Variants in MAEA observed in about 807,000 individuals in gnomAD.
MAEA encodes the protein macrophage erythroblast attacher, E3 ubiquitin ligase, also known as E3 ubiquitin-protein transferase MAEA.
A neutral mutation model predicts 46.2 loss-of-function variants in MAEA; 22 were observed. That is an observed-to-expected ratio of 0.48 (90% CI 0.34 to 0.68). The LOEUF (loss-of-function observed/expected upper bound fraction) is 0.68, where lower values mean the gene tolerates loss of function less well. Among genes scored for constraint, MAEA ranks in the 30% least tolerant of loss-of-function variants. The pLI is 0.01. For synonymous variants in MAEA, 246 were observed against 222.6 expected, an observed-to-expected ratio of 1.11 and a Z score of -0.94; for missense variants, 393 against 558.1, an observed-to-expected ratio of 0.70 and a Z score of 2.98.
intron 1 of MAEA, among the ~76,000 whole-genome samples, chr4:1,302,510 C>T (rs986751886): frequency 2.0e-5 from 3 of 152,246 alleles, no homozygotes; most frequent in African/African-American, 7.2e-5. Flanking sequence ...GATTCTCACT[C>T]TGTCACCAGG....
At chr4:1,338,898 G>A (rs573299898) in intron 8 of MAEA, 176 bp from the exon 9 acceptor site, 38 of 672,020 alleles carry the variant, frequency 5.7e-5, no homozygotes, top group Admixed American at 4.4e-4. Flanking sequence ...TGGATGAAGG[G>A]GTGGGAAGGA....
rs968063971 is a variant in MAEA, at chr4:1,329,038, C to T, written c.656+1335C>T. ...GCCTGTGTCGCTGGCCTCTGTCCGG[C>T]GGCAGTCTGCTTCCATCCCGAGTCA... On this transcript the variant is annotated intron_variant, in intron 5 of 8. Transcript: ENST00000303400. The T allele has an allele frequency of 3.8e-5, 37 of 985,706 alleles. 1 individual carries two copies. The highest frequency in any genetic ancestry group is 5.2e-4 in the Middle Eastern group (1 of 1,938). 61.1% of individuals were successfully genotyped at this position (985,706 alleles called of 1,614,324 possible). A position where few individuals can be genotyped will look rare whatever the true frequency, so the allele number is the denominator to read the frequency against.
At chr4:1,312,981 G>A (rs1284011387) in intron 2 of MAEA, among the ~76,000 whole-genome samples, 2 of 152,214 alleles carry the variant, frequency 1.3e-5, no homozygotes, top group Admixed American at 1.3e-4. Flanking sequence ...TGGAGTGTTG[G>A]CCAGGCCAGA....
intron 1 of MAEA, among the ~76,000 whole-genome samples, chr4:1,306,174 A>G (rs773098851): frequency 1.3e-5 from 2 of 152,164 alleles, no homozygotes; most frequent in African/African-American, 2.4e-5. Flanking sequence ...TACTTGGCCA[A>G]ATGTTTGTTG....
chr4:1,339,888 G>A lies in MAEA; in HGVS notation c.*719G>A, dbSNP rs988496916. 6.5e-6 allele frequency: 1 copy of A among 152,754 alleles called. No individual in the cohort carries two copies. Among genetic ancestry groups the A allele is most frequent in the Admixed American group, 6.5e-5 (1 of 15,292 alleles). 9.5% of individuals were successfully genotyped at this position (152,754 alleles called of 1,614,324 possible). A position where few individuals can be genotyped will look rare whatever the true frequency, so the allele number is the denominator to read the frequency against. The stretch of plus-strand genomic sequence containing the variant: ...GAGAATGTATAACGTGGAAATCCAC[G>A]GGACCAAATTTCTGCAGAGGCCTTG... On this transcript the variant is annotated 3_prime_UTR_variant, in exon 9 of 9. Coordinates refer to ENST00000303400, the MANE Select transcript of MAEA (RefSeq NM_001017405.3).
At chr4:1,297,455 GTGCGTA>G (rs1455090660) in intron 1 of MAEA, among the ~76,000 whole-genome samples, 1 of 89,442 alleles carries the variant, frequency 1.1e-5, no homozygotes, top group Non-Finnish European at 2.0e-5. Flanking sequence ...GAAAAAGTAC[GTGCGTA>G]TGTGTGTGTG....
intron 2 of MAEA, among the ~76,000 whole-genome samples, chr4:1,313,084 A>T (rs1359993989): frequency 6.6e-6 from 1 of 152,198 alleles, no homozygotes; most frequent in African/African-American, 2.4e-5. Flanking sequence ...CGTGGGGTGT[A>T]CCAGAAGTGG....
chr4:1,316,222 C>T (rs900144834), intron 3 of MAEA, among the ~76,000 whole-genome samples: 19 of 152,188 alleles, frequency 1.2e-4, no homozygotes, highest in African/African-American at 4.3e-4. Flanking sequence ...GCACCCTTGC[C>T]CTCTGTGGCT....
At position 1,338,408 on chromosome 4, in the gene MAEA, G is replaced by A. The variant is rs1407266024; in HGVS notation, c.900-14G>A. On this transcript the variant is annotated splice_polypyrimidine_tract_variant and intron_variant, in intron 7 of 8. Transcript: ENST00000303400. The stretch of plus-strand genomic sequence containing the variant: ...CCTGAGTGGCCCCCAACCCTTCCTT[G>A]ACCCGATGCTCAGACAGTGCTACAA... The A allele has an allele frequency of 8.1e-6, 13 of 1,603,278 alleles. No homozygotes were observed. The Admixed American group carries it at 1.7e-4, about 21-fold the overall frequency.
chr4:1,290,177 C>T (rs1733956452), intron 1 of MAEA, among the ~76,000 whole-genome samples, 195 bp downstream of exon 1: 2 of 151,418 alleles, frequency 1.3e-5, no homozygotes, highest in South Asian at 2.1e-4. Flanking sequence ...GGCTTTGGCC[C>T]TGCCAGGCGC....
chr4:1,312,423 ATTTTTT>A (rs34329974), intron 2 of MAEA: 268 of 171,930 alleles, frequency 1.6e-3, no homozygotes, highest in Admixed American at 2.5e-3. Flanking sequence ...AGGTTGATTG[ATTTTTT>A]TTTTTTTTTT....
chr4:1,310,035 G>T, intron 1 of MAEA: 1 of 1,164,976 alleles, frequency 8.6e-7, no homozygotes, highest in Non-Finnish European at 1.1e-6. Flanking sequence ...CGCGAGCGAG[G>T]GTGGTTGTGC....
intron 5 of MAEA, chr4:1,332,436 C>T (rs1005025040): frequency 2.1e-4 from 46 of 223,374 alleles, no homozygotes; most frequent in African/African-American, 9.5e-4. Flanking sequence ...AAATGCAGGC[C>T]GGGTGCAGCG....
At chr4:1,338,125 G>T in intron 7 of MAEA, 1 of 387,906 alleles carries the variant, frequency 2.6e-6, no homozygotes. Context: ...GTCCTGCCTG[G>T]AGAGGTTGCG....
intron 5 of MAEA, 77 bp from the exon 6 acceptor site, chr4:1,332,680 G>C: frequency 9.1e-7 from 1 of 1,103,994 alleles, no homozygotes; most frequent in Non-Finnish European, 1.3e-6. Flanking sequence ...CTGCAGCCTG[G>C]GTGACAGAGT....
At chr4:1,310,263 T>A (rs1736325179) in intron 1 of MAEA, among the ~76,000 whole-genome samples, 1 of 152,194 alleles carries the variant, frequency 6.6e-6, no homozygotes, top group Non-Finnish European at 1.5e-5. Flanking sequence ...TGGGTCTCGT[T>A]GAGCTCGCTT....
At chr4:1,327,554 G>GGGT (rs1226131638) in intron 4 of MAEA, 73 bp from the exon 5 acceptor site, 2 of 995,238 alleles carry the variant, frequency 2.0e-6, no homozygotes, top group Non-Finnish European at 1.6e-6. Flanking sequence ...TGGTGGACAT[G>GGGT]CGGGTGCGGC....
chr4:1,298,065 C>A (rs1231824276), intron 1 of MAEA: 3 of 456,302 alleles, frequency 6.6e-6, no homozygotes, highest in Non-Finnish European at 1.3e-5. Context: ...TCGAGTACTG[C>A]CTGGCAGCAT....
At chr4:1,291,732 G>A (rs1734128734) in intron 1 of MAEA, among the ~76,000 whole-genome samples, 1 of 152,230 alleles carries the variant, frequency 6.6e-6, no homozygotes, top group African/African-American at 2.4e-5. Flanking sequence ...TAGGAAGGGA[G>A]ATGGAAGGTC....
Sources: gnomAD v4.1 joint callset for allele counts (sites outside exome capture counted in the v4.1 genomes callset) on GRCh38, gnomAD v4.1.1 for gene constraint, MANE v1.5 for transcripts, NCBI Gene and HGNC (gene_info 2026-07-23, HGNC 2026-07-21) for gene names.